Variants in SOX6 observed in about 807,000 individuals in gnomAD.
The protein encoded by SOX6 is SRY-box transcription factor 6.
SOX6 carries 11 observed loss-of-function variants against 97.8 expected under a neutral mutation model. The ratio of observed to expected loss-of-function variants is 0.11; its 90% CI spans 0.07 to 0.19. SOX6 has a LOEUF of 0.19. Ranked by LOEUF, SOX6 falls within the 10% of genes least tolerant of loss-of-function variation. SOX6 has a pLI of 1.00. For synonymous variants in SOX6, 360 were observed against 371.4 expected, an observed-to-expected ratio of 0.97 and a Z score of 0.35; for missense variants, 810 against 1,039.5, an observed-to-expected ratio of 0.78 and a Z score of 3.04.
chr11:16,483,927 G>A (rs1363382227), intron 4 of SOX6, among the ~76,000 whole-genome samples: 1 of 152,186 alleles, frequency 6.6e-6, no homozygotes, highest in Non-Finnish European at 1.5e-5. Flanking sequence ...TCCTCTGCAT[G>A]GGGAGCCAGA....
intron 1 of SOX6, among the ~76,000 whole-genome samples, chr11:16,442,945 C>T (rs1337091110): frequency 6.6e-6 from 1 of 152,006 alleles, no homozygotes; most frequent in African/African-American, 2.4e-5. Flanking sequence ...TCAAGTGCAC[C>T]ACCAAAATCA....
chr11:16,077,655 A>C (rs1448604583), intron 9 of SOX6, among the ~76,000 whole-genome samples: 1 of 152,220 alleles, frequency 6.6e-6, no homozygotes, highest in Non-Finnish European at 1.5e-5. Context: ...TGTTCTCTGC[A>C]GCAACATGGA....
chr11:15,990,133 A>T (rs1439836104), intron 13 of SOX6, among the ~76,000 whole-genome samples: 1 of 151,950 alleles, frequency 6.6e-6, no homozygotes, highest in East Asian at 1.9e-4. Flanking sequence ...GCCCCATAGT[A>T]ATTATTGTTT....
At position 16,456,082 on chromosome 11, in the gene SOX6, T is replaced by C. The variant is rs1196770248; in HGVS notation, c.-5+20233A>G. Among the ~76,000 whole-genome samples, 3 of 152,256 alleles carry C rather than the reference T, an allele frequency of 2.0e-5. No individual in the cohort carries two copies. The East Asian group carries it at 5.8e-4, about 29-fold the overall frequency. ...TGTCGATTTATTGTAACACAAATTT[T>C]ATTTCATAACACATAGTCCAGGGGG... is the stretch of plus-strand genomic sequence containing the variant. On this transcript the variant is annotated intron_variant, in intron 1 of 15. Transcript: ENST00000396356.
chr11:16,536,667 C>T (rs534400615), intron 4 of SOX6, among the ~76,000 whole-genome samples: 8 of 152,332 alleles, frequency 5.3e-5, no homozygotes, highest in Admixed American at 6.5e-5. Context: ...TGTGGCTCGG[C>T]GGGTCCCATG....
chr11:16,078,466 A>T (rs531977477), intron 9 of SOX6, among the ~76,000 whole-genome samples: 7 of 152,180 alleles, frequency 4.6e-5, no homozygotes, highest in Admixed American at 1.3e-4. Context: ...ATTTTTAGTA[A>T]ATGAATATAT....
At chr11:16,015,380 C>G (rs1854854497) in intron 12 of SOX6, 1 of 333,188 alleles carries the variant, frequency 3.0e-6, no homozygotes, top group Non-Finnish European at 5.6e-6. Flanking sequence ...ATGCAAAAAC[C>G]TGAAAGAGCA....
intron 9 of SOX6, among the ~76,000 whole-genome samples, chr11:16,074,223 A>C (rs1848294113): frequency 6.6e-6 from 1 of 152,096 alleles, no homozygotes; most frequent in Non-Finnish European, 1.5e-5. Flanking sequence ...TAAAGAAAAC[A>C]GAACAAATAA....
At chr11:16,155,627 G>A (rs12364006) in intron 6 of SOX6, among the ~76,000 whole-genome samples, 10,530 of 152,102 alleles carry the variant, frequency 0.069, 402 homozygotes, top group Non-Finnish European at 0.096. Flanking sequence ...ACAGTATCTA[G>A]TACATAGTGA....
At chr11:16,316,982 T>G (rs1040765932) in intron 3 of SOX6, 1 of 152,040 alleles carries the variant, frequency 6.6e-6, no homozygotes, top group Admixed American at 6.6e-5. Context: ...TTATCTAATT[T>G]TATAATCTAT....
At chr11:16,197,279 C>T (rs1171150124) in intron 4 of SOX6, among the ~76,000 whole-genome samples, 1 of 152,194 alleles carries the variant, frequency 6.6e-6, no homozygotes, top group Admixed American at 6.5e-5. Context: ...TTGTCTGTAG[C>T]TCTCAGGACA....
chr11:16,716,741 C>T (rs762676983), intron 2 of SOX6, among the ~76,000 whole-genome samples: 22 of 151,400 alleles, frequency 1.5e-4, no homozygotes, highest in Admixed American at 3.9e-4. Flanking sequence ...ATAAAATGAA[C>T]CAACCACTAC....
intron 15 of SOX6, among the ~76,000 whole-genome samples, chr11:15,981,490 G>A (rs918245949): frequency 3.8e-5 from 5 of 131,250 alleles, no homozygotes; most frequent in African/African-American, 1.2e-4. Flanking sequence ...CCTTCAAAGT[G>A]TATAAATAAA....
chr11:16,213,111 A>G (rs1212310842), intron 4 of SOX6, among the ~76,000 whole-genome samples: 1 of 152,016 alleles, frequency 6.6e-6, no homozygotes, highest in Non-Finnish European at 1.5e-5. Flanking sequence ...TGGACCTCAA[A>G]TCTAGGATAA....
At chr11:16,332,127 T>C (rs2134325466) in intron 2 of SOX6, among the ~76,000 whole-genome samples, 1 of 152,182 alleles carries the variant, frequency 6.6e-6, no homozygotes, top group Admixed American at 6.6e-5. Flanking sequence ...AGAACAAAAA[T>C]GAGAGAATCA....
intron 13 of SOX6, among the ~76,000 whole-genome samples, chr11:16,002,275 CTT>C (rs1854429098): frequency 6.6e-6 from 1 of 152,108 alleles, no homozygotes; most frequent in Non-Finnish European, 1.5e-5. Context: ...GGCTTAATGA[CTT>C]TGTGGTGAGC....
At chr11:16,735,607 G>A (rs1020585215) in intron 2 of SOX6, among the ~76,000 whole-genome samples, 5 of 152,120 alleles carry the variant, frequency 3.3e-5, no homozygotes, top group Admixed American at 6.6e-5. Context: ...CTGGCTTTTG[G>A]AATTAGACTT....
At chr11:16,211,464 A>AAG (rs573622757) in intron 4 of SOX6, among the ~76,000 whole-genome samples, 44 of 151,848 alleles carry the variant, frequency 2.9e-4, no homozygotes, top group Non-Finnish European at 5.6e-4. Flanking sequence ...TAAATTAAAA[A>AAG]AAAAAACTAT....
At chr11:16,291,229 T>TTATATATA (rs10529279) in intron 3 of SOX6, among the ~76,000 whole-genome samples, 7 of 143,612 alleles carry the variant, frequency 4.9e-5, no homozygotes, top group African/African-American at 1.9e-4. Flanking sequence ...TTCTATAAAT[T>TTATATATA]TATATATATA....
Sources: gnomAD v4.1 joint callset for allele counts (sites outside exome capture counted in the v4.1 genomes callset) on GRCh38, gnomAD v4.1.1 for gene constraint, MANE v1.5 for transcripts, NCBI Gene and HGNC (gene_info 2026-07-23, HGNC 2026-07-21) for gene names.